Variants in NAV3 observed in about 807,000 individuals in gnomAD.
The protein encoded by NAV3 is neuron navigator 3.
NAV3 carries 87 observed loss-of-function variants against 244.7 expected under a neutral mutation model. The ratio of observed to expected loss-of-function variants is 0.36; its 90% CI spans 0.30 to 0.42. The LOEUF is 0.42. Ranked by LOEUF, NAV3 falls within the 20% of genes least tolerant of loss-of-function variation. The pLI, the probability that NAV3 is intolerant of heterozygous loss-of-function variation, is 1.00. For missense variants in NAV3, 2,663 were observed against 2,893.3 expected (o/e 0.92, Z 1.83); for synonymous variants, 1,126 against 1,042.2 (o/e 1.08, Z -1.55).
chr12:77,679,672 G>A (rs1874365083), intron 2 of NAV3, among the ~76,000 whole-genome samples: 1 of 152,182 alleles, frequency 6.6e-6, no homozygotes, highest in South Asian at 2.1e-4. Context: ...GCACCAACTA[G>A]TGGAAGAAGA....
chr12:77,997,777 G>A (rs546019041), intron 6 of NAV3, among the ~76,000 whole-genome samples: 52 of 152,314 alleles, frequency 3.4e-4, no homozygotes, highest in Middle Eastern at 3.4e-3. Flanking sequence ...TTTAACTCAT[G>A]ACCTGGGTCT....
chr12:77,704,451 C>T (rs1875699647), intron 2 of NAV3, among the ~76,000 whole-genome samples: 1 of 152,170 alleles, frequency 6.6e-6, no homozygotes, highest in Non-Finnish European at 1.5e-5. Context: ...GCCCTGATTC[C>T]TACTTGCTTG....
chr12:77,602,366 C>A (rs901269998), intron 2 of NAV3, among the ~76,000 whole-genome samples: 3 of 151,970 alleles, frequency 2.0e-5, no homozygotes, highest in Non-Finnish European at 4.4e-5. Context: ...GATTTAGAGA[C>A]ATGGTGATAT....
At chr12:78,095,044 A>ATT (rs1415886827) in intron 12 of NAV3, among the ~76,000 whole-genome samples, 7 of 103,108 alleles carry the variant, frequency 6.8e-5, no homozygotes, top group African/African-American at 1.8e-4. Context: ...TCCATATCAA[A>ATT]TTATATATAT....
intron 2 of NAV3, among the ~76,000 whole-genome samples, chr12:77,712,214 A>C (rs1442971488): frequency 6.6e-6 from 1 of 152,208 alleles, no homozygotes; most frequent in Admixed American, 6.5e-5. Context: ...AACATAATCA[A>C]CAGAAATTAA....
At chr12:78,036,959 C>T (rs745472403) in intron 9 of NAV3, 1 of 702,952 alleles carries the variant, frequency 1.4e-6, no homozygotes, top group South Asian at 1.5e-5. Flanking sequence ...CCAATCTTTC[C>T]CTCACCAGTG....
chr12:77,945,255 T>A (rs1183006582), intron 3 of NAV3, among the ~76,000 whole-genome samples: 1 of 152,086 alleles, frequency 6.6e-6, no homozygotes. Context: ...TAAGTAACTA[T>A]ACCAAGTCCT....
chr12:77,840,197 C>G (rs1875399724), intron 1 of NAV3, among the ~76,000 whole-genome samples: 1 of 152,160 alleles, frequency 6.6e-6, no homozygotes, highest in Non-Finnish European at 1.5e-5. Context: ...TATAAACCTA[C>G]AGGTTACTCA....
At chr12:78,028,692 A>G (rs1361554086) in intron 9 of NAV3, among the ~76,000 whole-genome samples, 1 of 152,212 alleles carries the variant, frequency 6.6e-6, no homozygotes, top group Non-Finnish European at 1.5e-5. Flanking sequence ...CACCAGGGAC[A>G]TATTTTCTGT....
At chr12:77,772,732 T>A (rs1870156778) in intron 2 of NAV3, among the ~76,000 whole-genome samples, 1 of 152,192 alleles carries the variant, frequency 6.6e-6, no homozygotes. Flanking sequence ...AGAAATTCCT[T>A]GATGGCTCGA....
chr12:77,823,156 A>G (rs1357699848), intron 2 of NAV3, among the ~76,000 whole-genome samples: 2 of 152,192 alleles, frequency 1.3e-5, no homozygotes, highest in East Asian at 3.9e-4. Flanking sequence ...GAACCCAAAT[A>G]GAGTTCAGAA....
intron 2 of NAV3, among the ~76,000 whole-genome samples, chr12:77,699,282 T>G (rs537197220): frequency 2.4e-4 from 36 of 152,256 alleles, no homozygotes; most frequent in Non-Finnish European, 2.4e-4. Context: ...CGTTTGTGCG[T>G]TATTCTCAAT....
intron 2 of NAV3, among the ~76,000 whole-genome samples, chr12:77,806,108 A>C (rs1871964566): frequency 6.6e-6 from 1 of 152,028 alleles, no homozygotes; most frequent in Non-Finnish European, 1.5e-5. Flanking sequence ...TGATCTTTTC[A>C]AAAAACCAGC....
At position 78,082,001 on chromosome 12, in the gene NAV3, G is replaced by A. The variant is rs531889160; in HGVS notation, c.2636+22886G>A. On this transcript the variant is annotated intron_variant, in intron 12 of 39. Transcript: ENST00000397909. ...GTAGTTCCCATAATTCCCACCTGTC[G>A]TGGGATGGACCCAGTGGGAGATAAT... is the stretch of plus-strand genomic sequence containing the variant. Among the ~76,000 whole-genome samples, 21 of 152,262 alleles carry A rather than the reference G, an allele frequency of 1.4e-4. No homozygotes were observed. In the South Asian group the frequency reaches 2.9e-3, roughly 21 times the overall value.
At chr12:77,724,408 A>C (rs929523558) in intron 2 of NAV3, among the ~76,000 whole-genome samples, 2 of 152,012 alleles carry the variant, frequency 1.3e-5, no homozygotes, top group Non-Finnish European at 2.9e-5. Flanking sequence ...CATATTATGA[A>C]TATATAACTG....
intron 1 of NAV3, among the ~76,000 whole-genome samples, chr12:77,932,307 T>C (rs1479211099): frequency 6.6e-6 from 1 of 152,074 alleles, no homozygotes; most frequent in African/African-American, 2.4e-5. Flanking sequence ...CCGGCAACAA[T>C]ATAACTCTTG....
chr12:77,773,126 G>T (rs2067993), intron 2 of NAV3, among the ~76,000 whole-genome samples: 53,217 of 151,900 alleles, frequency 0.35, 11,354 homozygotes, highest in East Asian at 0.48. Context: ...AGATTTATTT[G>T]GTTGGCATGC....
chr12:77,601,129 C>A, intron 2 of NAV3, among the ~76,000 whole-genome samples: 1 of 151,850 alleles, frequency 6.6e-6, no homozygotes. Context: ...TATGTATTAA[C>A]TCATTTTATC....
chr12:78,024,106 T>G (rs1055033374), intron 9 of NAV3, among the ~76,000 whole-genome samples: 3 of 152,230 alleles, frequency 2.0e-5, no homozygotes, highest in African/African-American at 7.2e-5. Context: ...AATTCATTGA[T>G]CCTACCACTT....
Sources: allele counts gnomAD v4.1 joint callset (sites outside exome capture counted in the v4.1 genomes callset), GRCh38; gene constraint gnomAD v4.1.1; transcripts MANE v1.5; gene names NCBI Gene and HGNC (gene_info 2026-07-23, HGNC 2026-07-21).